The following NALF1 variants were observed in gnomAD, a reference collection of about 807,000 sequenced individuals.
NALF1 encodes family with sequence similarity 155 member A.
NALF1 carries 3 observed loss-of-function variants against 48.4 expected under a neutral mutation model. The ratio of observed to expected loss-of-function variants is 0.06; its 90% CI spans 0.03 to 0.16. NALF1 has a LOEUF of 0.16. NALF1 is among the 10% of genes least tolerant of loss of function. The probability of loss-of-function intolerance (pLI) is 1.00; values close to 1 mark genes in which losing one functional copy is unlikely to be tolerated. For synonymous variants in NALF1, 262 were observed against 245.7 expected, an observed-to-expected ratio of 1.07 and a Z score of -0.62; for missense variants, 526 against 571.5, an observed-to-expected ratio of 0.92 and a Z score of 0.81.
chr13:107,413,664 A>C (rs1472827749), intron 1 of NALF1, among the ~76,000 whole-genome samples: 1 of 151,876 alleles, frequency 6.6e-6, no homozygotes, highest in African/African-American at 2.4e-5. Flanking sequence ...TCTCCACTAC[A>C]TTGATCACAT....
At chr13:107,592,786 T>C (rs1226741389) in intron 1 of NALF1, among the ~76,000 whole-genome samples, 1 of 151,926 alleles carries the variant, frequency 6.6e-6, no homozygotes, top group Non-Finnish European at 1.5e-5. Context: ...GCATGACTTT[T>C]AACAGCATTT....
intron 1 of NALF1, among the ~76,000 whole-genome samples, chr13:107,692,192 T>C (rs1272577239): frequency 3.9e-5 from 6 of 152,148 alleles, no homozygotes; most frequent in Non-Finnish European, 7.4e-5. Context: ...ATATGAAAAG[T>C]TCAAAAATAA....
intron 1 of NALF1, among the ~76,000 whole-genome samples, chr13:107,795,916 T>C (rs1202645860): frequency 3.3e-5 from 5 of 152,188 alleles, no homozygotes; most frequent in African/African-American, 1.2e-4. Flanking sequence ...CATTTTTTCT[T>C]TATTTTCTTA....
intron 1 of NALF1, among the ~76,000 whole-genome samples, chr13:107,816,803 G>A (rs1020056708): frequency 2.4e-4 from 36 of 151,840 alleles, no homozygotes; most frequent in African/African-American, 7.7e-4. Context: ...CTTTTCATGC[G>A]GAGTGTGTCC....
intron 1 of NALF1, among the ~76,000 whole-genome samples, chr13:107,517,876 C>A (rs764101638): frequency 6.6e-6 from 1 of 151,372 alleles, no homozygotes; most frequent in African/African-American, 2.4e-5. Flanking sequence ...CTCTTCAACC[C>A]GGGAGGTGGA....
At chr13:107,472,329 AAAAC>A (rs1212663861) in intron 1 of NALF1, among the ~76,000 whole-genome samples, 2 of 152,302 alleles carry the variant, frequency 1.3e-5, no homozygotes, top group South Asian at 2.1e-4. Flanking sequence ...ACTCCCTCTC[AAAAC>A]AAACAAACAA....
chr13:107,213,644 C>T (rs1248025977), intron 1 of NALF1, among the ~76,000 whole-genome samples: 1 of 152,158 alleles, frequency 6.6e-6, no homozygotes, highest in Non-Finnish European at 1.5e-5. Flanking sequence ...TCTTTATCTT[C>T]TCTGTGTAGA....
At chr13:107,184,623 C>T (rs1879134840) in intron 2 of NALF1, among the ~76,000 whole-genome samples, 1 of 152,116 alleles carries the variant, frequency 6.6e-6, no homozygotes, top group African/African-American at 2.4e-5. Flanking sequence ...AATTCATTTT[C>T]ATGTTTTCCT....
intron 2 of NALF1, among the ~76,000 whole-genome samples, chr13:107,205,531 G>T (rs1274423944): frequency 2.6e-5 from 4 of 151,908 alleles, no homozygotes; most frequent in African/African-American, 4.8e-5. Context: ...AGCCTCAACC[G>T]CCTGTCAAGT....
intron 1 of NALF1, among the ~76,000 whole-genome samples, chr13:107,376,546 C>A (rs1243761133): frequency 6.6e-6 from 1 of 152,116 alleles, no homozygotes; most frequent in African/African-American, 2.4e-5. Flanking sequence ...CACAGGCCAC[C>A]TAGGAAAATG....
At chr13:107,246,577 G>T (rs570012955) in intron 1 of NALF1, among the ~76,000 whole-genome samples, 3 of 152,308 alleles carry the variant, frequency 2.0e-5, no homozygotes, top group East Asian at 3.9e-4. Flanking sequence ...CCTCAAAGAT[G>T]CAGTTCAATC....
chr13:107,679,569 G>A (rs1429344028), intron 1 of NALF1, among the ~76,000 whole-genome samples: 1 of 152,204 alleles, frequency 6.6e-6, no homozygotes, highest in African/African-American at 2.4e-5. Flanking sequence ...CATGGGCTCT[G>A]TGCCCTGATG....
chr13:107,742,354 C>T (rs962849765), intron 1 of NALF1, among the ~76,000 whole-genome samples: 3 of 152,190 alleles, frequency 2.0e-5, no homozygotes, highest in African/African-American at 7.2e-5. Flanking sequence ...ACTCACATGT[C>T]ATCTTGAATT....
At chr13:107,554,258 G>A (rs142310819) in intron 1 of NALF1, among the ~76,000 whole-genome samples, 1 of 152,322 alleles carries the variant, frequency 6.6e-6, no homozygotes, top group Admixed American at 6.5e-5. Flanking sequence ...TCAGATTTCT[G>A]TAGAGAAATT....
chr13:107,701,920 TATC>T (rs1205607750), intron 1 of NALF1, among the ~76,000 whole-genome samples: 4 of 152,276 alleles, frequency 2.6e-5, no homozygotes, highest in South Asian at 2.1e-4. Context: ...TTAATGCGCT[TATC>T]ATATTGGTTG....
At chr13:107,287,111 A>C (rs1424405966) in intron 1 of NALF1, among the ~76,000 whole-genome samples, 1 of 152,214 alleles carries the variant, frequency 6.6e-6, no homozygotes, top group Non-Finnish European at 1.5e-5. Flanking sequence ...CAGTATTCTG[A>C]GGAAGGTGTG....
At chr13:107,447,512 CT>C (rs1404194398) in intron 1 of NALF1, among the ~76,000 whole-genome samples, 1 of 152,150 alleles carries the variant, frequency 6.6e-6, no homozygotes, top group Non-Finnish European at 1.5e-5. Context: ...ATCCCGGGAG[CT>C]AGCTTCTACT....
At chr13:107,692,881 A>G (rs987590406) in intron 1 of NALF1, among the ~76,000 whole-genome samples, 2 of 152,204 alleles carry the variant, frequency 1.3e-5, no homozygotes, top group Non-Finnish European at 2.9e-5. Context: ...CTTTAATTTC[A>G]GAATTTAGAT....
At chr13:107,743,980 T>A (rs1876709758) in intron 1 of NALF1, among the ~76,000 whole-genome samples, 1 of 152,210 alleles carries the variant, frequency 6.6e-6, no homozygotes, top group Admixed American at 6.5e-5. Flanking sequence ...TGTGAAATCC[T>A]TGTAGAAGAC....
Sources: allele counts gnomAD v4.1 joint callset (sites outside exome capture counted in the v4.1 genomes callset), GRCh38; gene constraint gnomAD v4.1.1; transcripts MANE v1.5; gene names NCBI Gene and HGNC (gene_info 2026-07-23, HGNC 2026-07-21).